BRINP1: variants seen among roughly 807,000 people sequenced by gnomAD.
The protein encoded by BRINP1 is BMP/retinoic acid-inducible neural-specific protein 1.
In BRINP1, 17 loss-of-function variants were observed where a neutral mutation model predicts 72.9. The observed-to-expected ratio is 0.23, with a 90% CI of 0.16 to 0.35. The LOEUF (loss-of-function observed/expected upper bound fraction) is 0.35, where lower values mean the gene tolerates loss of function less well. Among genes scored for constraint, BRINP1 ranks in the 10% least tolerant of loss-of-function variants. The probability of loss-of-function intolerance (pLI) is 1.00; values close to 1 mark genes in which losing one functional copy is unlikely to be tolerated. For missense variants in BRINP1, 850 were observed against 1,001.6 expected (o/e 0.85, Z 2.04); for synonymous variants, 418 against 378.5 (o/e 1.10, Z -1.21).
At chr9:119,345,159 A>G (rs1163155169) in intron 1 of BRINP1, among the ~76,000 whole-genome samples, 3 of 152,232 alleles carry the variant, frequency 2.0e-5, no homozygotes, top group Admixed American at 6.5e-5. Context: ...CATGTTGTGT[A>G]GAAACACTTT....
intron 1 of BRINP1, among the ~76,000 whole-genome samples, chr9:119,320,425 G>C (rs1478388222): frequency 2.0e-5 from 3 of 152,184 alleles, no homozygotes; most frequent in Admixed American, 2.0e-4. Context: ...CTAGAAGATA[G>C]AAATTCAATA....
At chr9:119,230,197 G>A (rs1339019576) in intron 5 of BRINP1, among the ~76,000 whole-genome samples, 1 of 152,072 alleles carries the variant, frequency 6.6e-6, no homozygotes, top group Non-Finnish European at 1.5e-5. Context: ...TGGGTCTGGA[G>A]CATGGATATG....
In BRINP1 at chr9:119,284,347, A is replaced by G. The variant is rs540803258; in HGVS notation, c.218+28791T>C. ...TTCCCGCTGTGGGAGGCAATGTGGTACAGGCAAGAGGCCCTAACTCAGCCA... is the reference window on the plus strand; with the variant it reads ...TTCCCGCTGTGGGAGGCAATGTGGTGCAGGCAAGAGGCCCTAACTCAGCCA... On this transcript the variant is annotated intron_variant, in intron 2 of 7. Coordinates refer to ENST00000265922, the MANE Select transcript of BRINP1 (RefSeq NM_014618.3). Among the ~76,000 whole-genome samples the G allele has an allele frequency of 2.6e-5, 4 of 152,332 alleles. No homozygotes were observed. In the South Asian group the frequency reaches 8.3e-4, roughly 32 times the overall value.
At chr9:119,346,003 T>C (rs1302780404) in intron 1 of BRINP1, among the ~76,000 whole-genome samples, 4 of 152,160 alleles carry the variant, frequency 2.6e-5, no homozygotes, top group Non-Finnish European at 5.9e-5. Flanking sequence ...ACCCAGGCAG[T>C]CTAGTTCCAG....
At chr9:119,226,168 A>C (rs1303926414) in intron 5 of BRINP1, among the ~76,000 whole-genome samples, 1 of 152,052 alleles carries the variant, frequency 6.6e-6, no homozygotes, top group Non-Finnish European at 1.5e-5. Flanking sequence ...AGGAGAGCTT[A>C]ATTCTAAGGT....
At chr9:119,207,969 A>G (rs1829876018) in intron 7 of BRINP1, among the ~76,000 whole-genome samples, 1 of 152,116 alleles carries the variant, frequency 6.6e-6, no homozygotes, top group South Asian at 2.1e-4. Flanking sequence ...CCAGCTGCAG[A>G]TCAGAAATGC....
chr9:119,276,218 T>C (rs1185939565), intron 2 of BRINP1, among the ~76,000 whole-genome samples: 1 of 152,184 alleles, frequency 6.6e-6, no homozygotes, highest in Admixed American at 6.5e-5. Context: ...GGCCCATAAG[T>C]ATATATCATA....
chr9:119,267,438 C>A (rs1588184178), intron 2 of BRINP1, among the ~76,000 whole-genome samples: 1 of 151,996 alleles, frequency 6.6e-6, no homozygotes, highest in East Asian at 1.9e-4. Flanking sequence ...TGTTCAAGAC[C>A]AGCCTGGCCA....
chr9:119,169,636 A>T (rs1232962571), intron 7 of BRINP1, among the ~76,000 whole-genome samples: 1 of 152,246 alleles, frequency 6.6e-6, no homozygotes, highest in Admixed American at 6.5e-5. Context: ...ACCACAGCTC[A>T]AGGAGGCCTG....
intron 5 of BRINP1, among the ~76,000 whole-genome samples, chr9:119,229,784 T>C (rs1338567452): frequency 1.3e-5 from 2 of 151,992 alleles, no homozygotes; most frequent in Admixed American, 6.6e-5. Context: ...TCATGTGGGA[T>C]AAGAAGTGTA....
intron 4 of BRINP1, 77 bp downstream of exon 4, chr9:119,241,970 C>A: frequency 6.8e-7 from 1 of 1,462,424 alleles, no homozygotes; most frequent in South Asian, 1.3e-5. Flanking sequence ...TACATCTGTC[C>A]ATCCACTCTC....
intron 1 of BRINP1, among the ~76,000 whole-genome samples, chr9:119,314,586 G>A (rs895802797): frequency 2.0e-5 from 3 of 152,148 alleles, no homozygotes; most frequent in South Asian, 4.2e-4. Flanking sequence ...GGCTGGTCTC[G>A]AACTCCTGAC....
chr9:119,286,738 A>G (rs946288899), intron 2 of BRINP1, among the ~76,000 whole-genome samples: 3 of 152,210 alleles, frequency 2.0e-5, no homozygotes, highest in South Asian at 4.1e-4. Flanking sequence ...GAAAGTTCAG[A>G]GACAGTCATG....
At chr9:119,274,206 T>C (rs1830632422) in intron 2 of BRINP1, among the ~76,000 whole-genome samples, 1 of 152,122 alleles carries the variant, frequency 6.6e-6, no homozygotes, top group African/African-American at 2.4e-5. Context: ...CTGGCTATGC[T>C]CTCTAAATGG....
intron 2 of BRINP1, among the ~76,000 whole-genome samples, chr9:119,249,751 A>T (rs792935): frequency 6.7e-6 from 1 of 150,046 alleles, no homozygotes; most frequent in Non-Finnish European, 1.5e-5. Context: ...TATATAGCTC[A>T]GTGCCTGTTA....
intron 1 of BRINP1, among the ~76,000 whole-genome samples, chr9:119,322,416 G>A (rs1180608391): frequency 6.6e-6 from 1 of 152,170 alleles, no homozygotes; most frequent in Non-Finnish European, 1.5e-5. Context: ...AGGGAGTCGG[G>A]TTCATCCCAC....
chr9:119,172,673 A>AACCAAAAAAGAGAATTTTAG (rs1480087396), intron 7 of BRINP1, among the ~76,000 whole-genome samples: 1 of 151,700 alleles, frequency 6.6e-6, no homozygotes. Flanking sequence ...GCAGAGACAC[A>AACCAAAAAAGAGAATTTTAG]ACCAAAAAAG....
At chr9:119,326,388 A>T (rs1831240023) in intron 1 of BRINP1, among the ~76,000 whole-genome samples, 1 of 152,234 alleles carries the variant, frequency 6.6e-6, no homozygotes, top group African/African-American at 2.4e-5. Flanking sequence ...TGAAGCATGA[A>T]ACTCCTAGAA....
At chr9:119,231,299 CCTAT>C (rs1830147257) in intron 5 of BRINP1, among the ~76,000 whole-genome samples, 1 of 152,004 alleles carries the variant, frequency 6.6e-6, no homozygotes, top group Non-Finnish European at 1.5e-5. Flanking sequence ...AATATGTGCT[CCTAT>C]CTAAGGCAAA....
Sources: gnomAD v4.1 joint callset for allele counts (sites outside exome capture counted in the v4.1 genomes callset) on GRCh38, gnomAD v4.1.1 for gene constraint, MANE v1.5 for transcripts, NCBI Gene and HGNC (gene_info 2026-07-23, HGNC 2026-07-21) for gene names.